The following YBX3 variants were observed in gnomAD, a reference collection of about 807,000 sequenced individuals.
The protein encoded by YBX3 is Y-box binding protein 3.
YBX3 carries 29 observed loss-of-function variants against 42.4 expected under a neutral mutation model. The observed-to-expected ratio is 0.68, with a 90% CI of 0.51 to 0.93. The LOEUF (loss-of-function observed/expected upper bound fraction) is 0.93, where lower values mean the gene tolerates loss of function less well. Among genes scored for constraint, YBX3 ranks in the 40% least tolerant of loss-of-function variants. YBX3 has a pLI of 0.00. For missense variants in YBX3, 517 were observed against 527.5 expected (o/e 0.98, Z 0.19); for synonymous variants, 195 against 189.8 (o/e 1.03, Z -0.22).
intron 1 of YBX3, chr12:10,720,984 G>C (rs1275173142): frequency 6.6e-6 from 1 of 152,184 alleles, no homozygotes; most frequent in African/African-American, 2.4e-5. Context: ...ACATTTATCA[G>C]AAGGAAAATT....
intron 3 of YBX3, among the ~76,000 whole-genome samples, chr12:10,717,389 G>A (rs1456235218): frequency 6.6e-6 from 1 of 152,136 alleles, no homozygotes; most frequent in Admixed American, 6.5e-5. Context: ...GAACACTAAG[G>A]ATAGTATTCC....
chr12:10,718,531 A>G (rs775599527), intron 2 of YBX3: 98 of 177,572 alleles, frequency 5.5e-4, no homozygotes, highest in Middle Eastern at 1.7e-3. Flanking sequence ...CCACCCCACC[A>G]AAGGAGACAA....
Position 10,723,022 on chromosome 12 carries a change from G to C in YBX3, c.90C>G (p.Pro30=). Residue 30 remains proline, a synonymous_variant, in exon 1 of 10, where the codon CCC becomes CCG. Coordinates refer to ENST00000228251, the MANE Select transcript of YBX3 (RefSeq NM_003651.5). The part of the protein sequence containing the change: ...TEAAAAAPQD[P]APKSPVGSGA... ...CGCTGCCCACCGGGCTCTTGGGCGCGGGGTCCTGGGGAGCCGCGGCGGCCG... is the reference window on the plus strand; with the variant it reads ...CGCTGCCCACCGGGCTCTTGGGCGCCGGGTCCTGGGGAGCCGCGGCGGCCG... 2.5e-6 allele frequency: 3 copies of C among 1,202,444 alleles called. No homozygotes were observed. Among genetic ancestry groups the C allele is most frequent in the Non-Finnish European group, 3.1e-6 (3 of 970,052 alleles). 74.5% of individuals were successfully genotyped at this position (1,202,444 alleles called of 1,614,324 possible). A position where few individuals can be genotyped will look rare whatever the true frequency, so the allele number is the denominator to read the frequency against.
chr12:10,705,590 G>A (rs886154452), intron 6 of YBX3, among the ~76,000 whole-genome samples: 1 of 152,192 alleles, frequency 6.6e-6, no homozygotes, highest in African/African-American at 2.4e-5. Flanking sequence ...TACTGATAAT[G>A]TTCACTTTGA....
chr12:10,720,383 G>A (rs1263482354), intron 1 of YBX3, among the ~76,000 whole-genome samples: 1 of 152,006 alleles, frequency 6.6e-6, no homozygotes, highest in Admixed American at 6.6e-5. Flanking sequence ...AAAAAAACAT[G>A]TCTTTATATC....
intron 7 of YBX3, 96 bp from the exon 8 acceptor site, chr12:10,702,230 A>G (rs1948089919): frequency 2.3e-6 from 3 of 1,302,162 alleles, no homozygotes; most frequent in Non-Finnish European, 3.1e-6. Context: ...TAAAAAGTCA[A>G]GTGATCAGGG....
At position 10,701,998 on chromosome 12, in the gene YBX3, G is replaced by A. The variant is rs774977651; in HGVS notation, c.1015C>T (p.Pro339Ser). Residue 339 changes from proline (P) to serine (S), a missense_variant, in exon 8 of 10, where the codon CCG (proline) becomes TCG (serine). Physicochemically the swap from Pro to Ser is moderately conservative, Grantham distance 74. Coordinates refer to ENST00000228251, the MANE Select transcript of YBX3 (RefSeq NM_003651.5). Reference protein sequence around the residue: ...YRRPYNYRRRPRPPNAPSQDG... With the variant: ...YRRPYNYRRRSRPPNAPSQDG... The stretch of plus-strand genomic sequence containing the variant: ...TGTGAAGGAGCGTTAGGAGGACGCG[G>A]GCGACGCCGGTAATTGTAGGGACGC... 22 of 1,613,812 alleles carry A rather than the reference G, an allele frequency of 1.4e-5. No individual in the cohort carries two copies. The highest frequency in any genetic ancestry group is 1.3e-5 in the African/African-American group (1 of 74,922).
intron 7 of YBX3, 49 bp downstream of exon 7, chr12:10,704,002 T>C (rs776681989): frequency 3.8e-5 from 59 of 1,542,544 alleles, no homozygotes; most frequent in Admixed American, 5.0e-5. Flanking sequence ...CATTCTACCA[T>C]TGTGCACACA....
intron 1 of YBX3, chr12:10,720,977 T>C (rs980018667): frequency 6.6e-6 from 1 of 152,178 alleles, no homozygotes; most frequent in Non-Finnish European, 1.5e-5. Flanking sequence ...TTCCATAACA[T>C]TTATCAGAAG....
chr12:10,701,994 C>G lies in YBX3; in HGVS notation c.1019G>C (p.Arg340Pro). 1 of 1,613,768 alleles carries G rather than the reference C, an allele frequency of 6.2e-7. No homozygotes were observed. Among genetic ancestry groups the G allele is most frequent in the Non-Finnish European group, 8.5e-7 (1 of 1,179,888 alleles). ...RRPYNYRRRP[R>P]PPNAPSQDGK... ...ATCTTGTGAAGGAGCGTTAGGAGGA[C>G]GCGGGCGACGCCGGTAATTGTAGGG... The change falls in exon 8 of 10, where the codon CGT becomes CCT. Residue 340 changes from arginine (R) to proline (P), a missense_variant. Arg to Pro is a moderately radical substitution (Grantham distance 103, BLOSUM62 -2). Around this residue, in one of 3 missense-constraint regions of YBX3, gnomAD observed 420 missense variants for 408.5 expected, o/e 1.03. Transcript: ENST00000228251.
intron 6 of YBX3, among the ~76,000 whole-genome samples, chr12:10,709,530 A>C (rs935154956): frequency 3.3e-5 from 5 of 152,216 alleles, no homozygotes; most frequent in Admixed American, 6.5e-5. Flanking sequence ...GGATGAACTT[A>C]ATCTAAAACT....
chr12:10,701,342 A>G lies in YBX3; in HGVS notation c.1065T>C (p.Gly355=), dbSNP rs527863036. The G allele has an allele frequency of 2.6e-6, 2 of 781,032 alleles. No homozygotes were observed. The highest frequency in any genetic ancestry group is 3.4e-5 in the African/African-American group (2 of 59,246). 48.4% of individuals were successfully genotyped at this position (781,032 alleles called of 1,614,324 possible). ...GAGCAGGGTTCTCAGTTGGTGCTTC[A>G]CCTGCCTTGGCCTAAAATGCAAAAC... ...PSQDGKEAKA[G]EAPTENPAPP... is the part of the protein sequence containing the mutation. Residue 355 remains glycine, a synonymous_variant, in exon 9 of 10, where the codon GGT becomes GGC. Coordinates refer to ENST00000228251, the MANE Select transcript of YBX3 (RefSeq NM_003651.5).
chr12:10,702,247 A>C (rs1948090194), intron 7 of YBX3, 113 bp from the exon 8 acceptor site: 1 of 1,064,042 alleles, frequency 9.4e-7, no homozygotes, highest in Non-Finnish European at 1.3e-6. Flanking sequence ...AGGGCCAGGC[A>C]TGATGGCTCA....
intron 6 of YBX3, among the ~76,000 whole-genome samples, chr12:10,709,245 T>G (rs1023356261): frequency 6.6e-6 from 1 of 152,206 alleles, no homozygotes; most frequent in African/African-American, 2.4e-5. Context: ...GATCTATCCC[T>G]AGTTTTCCAA....
intron 6 of YBX3, among the ~76,000 whole-genome samples, chr12:10,707,009 T>G (rs949899747): frequency 3.8e-5 from 5 of 131,512 alleles, no homozygotes; most frequent in Admixed American, 7.6e-5. Context: ...AGAGTGAGAC[T>G]CCATCTCAAA....
At chr12:10,716,337 G>T (rs887931889) in intron 3 of YBX3, among the ~76,000 whole-genome samples, 1 of 152,144 alleles carries the variant, frequency 6.6e-6, no homozygotes, top group Non-Finnish European at 1.5e-5. Context: ...AGTCACAACC[G>T]TAACAGCCCC....
At chr12:10,712,435 C>T (rs369712856) in intron 5 of YBX3, 6 of 152,320 alleles carry the variant, frequency 3.9e-5, no homozygotes, top group African/African-American at 1.4e-4. Context: ...GCATTGAAAC[C>T]AACCTAAAGA....
At chr12:10,713,845 GAAT>G (rs1313084784) in intron 4 of YBX3, among the ~76,000 whole-genome samples, 1 of 152,200 alleles carries the variant, frequency 6.6e-6, no homozygotes, top group Non-Finnish European at 1.5e-5. Flanking sequence ...GGTCTTTGAT[GAAT>G]AATATTCTCC....
At chr12:10,705,309 G>A (rs1948125363) in intron 6 of YBX3, among the ~76,000 whole-genome samples, 1 of 151,970 alleles carries the variant, frequency 6.6e-6, no homozygotes, top group South Asian at 2.1e-4. Context: ...TGGCCAGGAT[G>A]GTCTCAATCT....
Sources: gnomAD v4.1 joint callset for allele counts (sites outside exome capture counted in the v4.1 genomes callset) on GRCh38, gnomAD v4.1.1 for gene constraint, gnomAD v4.1.1 regional missense constraint, MANE v1.5 for transcripts, NCBI Gene and HGNC (gene_info 2026-07-23, HGNC 2026-07-21) for gene names.